Variants in PLG observed in about 807,000 individuals in gnomAD.
The protein encoded by PLG is plasmin.
PLG carries 41 observed loss-of-function variants against 104.4 expected under a neutral mutation model. That is an observed-to-expected ratio of 0.39 (90% CI 0.31 to 0.51). PLG has a LOEUF of 0.51. PLG is among the 20% of genes least tolerant of loss of function. The probability of loss-of-function intolerance (pLI) is 0.76; values close to 1 mark genes in which losing one functional copy is unlikely to be tolerated. For synonymous variants in PLG, 337 were observed against 357.1 expected (o/e 0.94, Z 0.63); for missense variants, 891 against 1,003.6 (o/e 0.89, Z 1.52).
chr6:160,710,319 A>T (rs1429867789), intron 3 of PLG, among the ~76,000 whole-genome samples: 4 of 152,136 alleles, frequency 2.6e-5, no homozygotes, highest in African/African-American at 4.8e-5. Flanking sequence ...ATCATCTTTA[A>T]TTAAATATAA....
intron 3 of PLG, among the ~76,000 whole-genome samples, chr6:160,709,371 A>G (rs1294041956): frequency 6.6e-6 from 1 of 152,210 alleles, no homozygotes; most frequent in Non-Finnish European, 1.5e-5. Context: ...GGTTGGGGCT[A>G]CTTGTAGCTG....
At position 160,735,624 on chromosome 6, in the gene PLG, A is replaced by G. The variant is rs898899454; in HGVS notation, c.1682-1263A>G. Among the ~76,000 whole-genome samples the G allele has an allele frequency of 6.6e-6, 1 of 152,216 alleles. No homozygotes were observed. The highest frequency in any genetic ancestry group is 2.4e-5 in the African/African-American group (1 of 41,462). On this transcript the variant is annotated intron_variant, in intron 13 of 18. Coordinates refer to ENST00000308192, the MANE Select transcript of PLG (RefSeq NM_000301.5). This position sits in a 1 kb window ranked among gnomAD's most constrained non-coding sequence, Gnocchi z 5.4. Reference sequence around the variant, plus strand: ...TCATGCAGAAGGATATGGTTTATTCAGGTTTGACTCGTGCTTGAGAAAGCT... The same window carrying G: ...TCATGCAGAAGGATATGGTTTATTCGGGTTTGACTCGTGCTTGAGAAAGCT...
intron 17 of PLG, among the ~76,000 whole-genome samples, chr6:160,748,447 G>GAAAGAAAGAGAACGAAA: frequency 2.8e-5 from 1 of 36,042 alleles, no homozygotes; most frequent in East Asian, 2.2e-3. Flanking sequence ...AAAGAAGGGA[G>GAAAGAAAGAGAACGAAA]GGAGGGAGGG....
chr6:160,732,460 G>A lies in PLG; in HGVS notation c.1587+567G>A, dbSNP rs547991147. Among the ~76,000 whole-genome samples, 2 of 152,168 alleles carry A rather than the reference G, an allele frequency of 1.3e-5. No homozygotes were observed. Among genetic ancestry groups the A allele is most frequent in the Non-Finnish European group, 1.5e-5 (1 of 67,988 alleles). On this transcript the variant is annotated intron_variant, in intron 12 of 18. Transcript: ENST00000308192. The surrounding 1 kb of genome is among the most constrained non-coding windows in gnomAD (Gnocchi z 4.5). ...GGGGATTTCTCCTCACACCCCAAGC[G>A]AGTCTCCAGCAGATACCAGCTGGGT...
intron 17 of PLG, among the ~76,000 whole-genome samples, chr6:160,751,480 C>T (rs1007701631): frequency 3.3e-5 from 5 of 152,160 alleles, no homozygotes; most frequent in African/African-American, 1.2e-4. Context: ...TAAATGATGA[C>T]TATTCTTTTT....
rs781757563 is a variant in PLG at position 160,752,219 on chromosome 6, C to A, written c.2230C>A (p.Leu744Ile). 1.2e-6 allele frequency: 2 copies of A among 1,613,910 alleles called. No homozygotes were observed. The highest frequency in any genetic ancestry group is 8.5e-7 in the Non-Finnish European group (1 of 1,179,880). ...FLNGRVQSTE[L>I]CAGHLAGGTD... ...GAATGGAAGAGTCCAATCCACCGAA[C>A]TCTGTGCTGGGCATTTGGCCGGAGG... The change falls in exon 18 of 19, where the codon CTC becomes ATC. Residue 744 changes from leucine to isoleucine, a missense_variant. By Grantham distance (5) the Leu-to-Ile change is conservative. Around this residue, in one of 2 missense-constraint regions of PLG, gnomAD observed 854 missense variants for 932.1 expected, o/e 0.92. Coordinates refer to ENST00000308192, the MANE Select transcript of PLG (RefSeq NM_000301.5). This position sits in a 1 kb window ranked among gnomAD's most constrained non-coding sequence, Gnocchi z 4.7.
In PLG at chr6:160,711,549, C is replaced by T. The variant is rs1388966988; in HGVS notation, c.407+358C>T. ...AACTGTATTTAGGATAATTTCATCACTTTTAATTCAAACCACAATATGTGA... is the reference window on the plus strand; with the variant it reads ...AACTGTATTTAGGATAATTTCATCATTTTTAATTCAAACCACAATATGTGA... On this transcript the variant is annotated intron_variant, in intron 4 of 18. Transcript: ENST00000308192. 8.1e-6 allele frequency: 13 copies of T among 1,600,374 alleles called. No homozygotes were observed. In the African/African-American group the frequency reaches 1.6e-4, roughly 20 times the overall value.
At position 160,716,838 on chromosome 6, in the gene PLG, G is replaced by T; in HGVS notation, c.787+75G>T. 4 of 877,854 alleles carry T rather than the reference G, an allele frequency of 4.6e-6. No homozygotes were observed. In the East Asian group the frequency reaches 7.2e-5, roughly 16 times the overall value. 54.4% of individuals were successfully genotyped at this position (877,854 alleles called of 1,614,324 possible). A position where few individuals can be genotyped will look rare whatever the true frequency, so the allele number is the denominator to read the frequency against. On this transcript the variant is annotated intron_variant, in intron 7 of 18. Coordinates refer to ENST00000308192, the MANE Select transcript of PLG (RefSeq NM_000301.5). ...TGAAATCAAAAGAAAACATGTGTCA[G>T]TGCCTGAGTGCAGCCTCTGAAAAGT... is the stretch of plus-strand genomic sequence containing the variant.
chr6:160,704,109 C>T (rs1332706640), intron 1 of PLG, among the ~76,000 whole-genome samples: 3 of 152,216 alleles, frequency 2.0e-5, no homozygotes, highest in Non-Finnish European at 2.9e-5. Context: ...TATACATCTG[C>T]ATTTTGCCTA....
At chr6:160,712,513 T>A (rs1289602903) in intron 4 of PLG, among the ~76,000 whole-genome samples, 1 of 152,198 alleles carries the variant, frequency 6.6e-6, no homozygotes, top group Non-Finnish European at 1.5e-5. Context: ...AGTTTTCTCA[T>A]CTGTAAAATA....
chr6:160,713,495 T>C, intron 5 of PLG: 2 of 265,810 alleles, frequency 7.5e-6, no homozygotes, highest in Non-Finnish European at 7.5e-6. Context: ...TCTTGAACTC[T>C]CGACCTCAGG....
chr6:160,731,152 A>C lies in PLG; in HGVS notation c.1358A>C (p.Lys453Thr), dbSNP rs1804181. Reference protein sequence around the residue: ...SVRWEYCNLKKCSGTEASVVA... With the variant: ...SVRWEYCNLKTCSGTEASVVA... ...AGGTGGGAGTACTGCAACCTGAAAAAATGCTCAGGAACAGAAGCGAGTGTT... is the reference window on the plus strand; with the variant it reads ...AGGTGGGAGTACTGCAACCTGAAAACATGCTCAGGAACAGAAGCGAGTGTT... Residue 453 changes from lysine (K) to threonine (T), a missense_variant, in exon 11 of 19, where the codon AAA becomes ACA. This residue lies in a region of PLG where 854 missense variants were observed against 932.1 expected (regional missense o/e 0.92). Transcript: ENST00000308192. This position sits in a 1 kb window ranked among gnomAD's most constrained non-coding sequence, Gnocchi z 5.1. 6.2e-7 allele frequency: 1 copy of C among 1,613,936 alleles called. No individual in the cohort carries two copies. The highest frequency in any genetic ancestry group is 8.5e-7 in the Non-Finnish European group (1 of 1,179,982).
intron 4 of PLG, chr6:160,711,484 G>T (rs1449101810): frequency 3.9e-5 from 49 of 1,244,154 alleles, no homozygotes; most frequent in Admixed American, 2.8e-4. Flanking sequence ...TCCACAGTTG[G>T]TTGAATTTGT....
intron 3 of PLG, among the ~76,000 whole-genome samples, chr6:160,709,429 T>A (rs1777595092): frequency 6.6e-6 from 1 of 152,192 alleles, no homozygotes; most frequent in South Asian, 2.1e-4. Context: ...AAGCCCTTCC[T>A]AGTGCCCTTA....
intron 12 of PLG, among the ~76,000 whole-genome samples, chr6:160,733,391 C>A (rs1031663996): frequency 6.6e-6 from 1 of 152,160 alleles, no homozygotes. Flanking sequence ...CTGGGTCAGG[C>A]TCCTGAAGGG....
chr6:160,753,360 G>C lies in PLG; in HGVS notation c.*299G>C. On this transcript the variant is annotated 3_prime_UTR_variant, in exon 19 of 19. Transcript: ENST00000308192. This position sits in a 1 kb window ranked among gnomAD's most constrained non-coding sequence, Gnocchi z 5.4. Reference sequence around the variant, plus strand: ...CACCCCACCAATTTTTAAATGGGCAGATGGGGGGATTTAGCTGCTTTTGAT... The same window carrying C: ...CACCCCACCAATTTTTAAATGGGCACATGGGGGGATTTAGCTGCTTTTGAT... 1 of 429,930 alleles carries C rather than the reference G, an allele frequency of 2.3e-6. No individual in the cohort carries two copies. Among genetic ancestry groups the C allele is most frequent in the Non-Finnish European group, 4.3e-6 (1 of 230,768 alleles). 26.6% of individuals were successfully genotyped at this position (429,930 alleles called of 1,614,324 possible).
In PLG at chr6:160,744,778, T is replaced by A. The variant is rs1381376044; in HGVS notation, c.2125+3361T>A. Among the ~76,000 whole-genome samples, 1 of 152,204 alleles carries A rather than the reference T, an allele frequency of 6.6e-6. No individual in the cohort carries two copies. The highest frequency in any genetic ancestry group is 1.5e-5 in the Non-Finnish European group (1 of 68,038). ...GTTCTTAATTTGAGATCTTTCTTCT[T>A]GATGCTAGCATTTGGTGCTATGAAT... On this transcript the variant is annotated intron_variant, in intron 17 of 18. Coordinates refer to ENST00000308192, the MANE Select transcript of PLG (RefSeq NM_000301.5). This position sits in a 1 kb window ranked among gnomAD's most constrained non-coding sequence, Gnocchi z 4.5.
At chr6:160,713,674 TA>T (rs1777683106) in intron 5 of PLG, among the ~76,000 whole-genome samples, 1 of 152,210 alleles carries the variant, frequency 6.6e-6, no homozygotes, top group African/African-American at 2.4e-5. Context: ...TACACAGTGT[TA>T]ACCCCAAGAC....
In PLG at chr6:160,744,903, C is replaced by T. The variant is rs1245496707; in HGVS notation, c.2125+3486C>T. ...AACTTCCTGATTTCTGCCATAATTT[C>T]ATTATTCACCCAAAAGTCATTCAGG... On this transcript the variant is annotated intron_variant, in intron 17 of 18. Transcript: ENST00000308192. This position sits in a 1 kb window ranked among gnomAD's most constrained non-coding sequence, Gnocchi z 4.5. 1.3e-5 allele frequency among the ~76,000 whole-genome samples: 2 copies of T among 152,142 alleles called. No homozygotes were observed. The highest frequency in any genetic ancestry group is 2.1e-4 in the South Asian group (1 of 4,834).
Sources: allele counts gnomAD v4.1 joint callset (sites outside exome capture counted in the v4.1 genomes callset), GRCh38; gene constraint gnomAD v4.1.1; regional missense constraint gnomAD v4.1.1; non-coding constraint Gnocchi (gnomAD v3.1); transcripts MANE v1.5; gene names NCBI Gene and HGNC (gene_info 2026-07-23, HGNC 2026-07-21).